PRKCZ: variants seen among roughly 807,000 people sequenced by gnomAD.
PRKCZ encodes the protein protein kinase C zeta type.
A neutral mutation model predicts 79.5 loss-of-function variants in PRKCZ; 33 were observed. That is an observed-to-expected ratio of 0.41 (90% CI 0.31 to 0.55). The LOEUF is 0.55. Ranked by LOEUF, PRKCZ falls within the 20% of genes least tolerant of loss-of-function variation. PRKCZ has a pLI of 0.19. For missense variants in PRKCZ, 578 were observed against 813.5 expected (o/e 0.71, Z 3.52); for synonymous variants, 342 against 320.9 (o/e 1.07, Z -0.70).
chr1:2,137,513 A>G (rs1054706285), intron 5 of PRKCZ, among the ~76,000 whole-genome samples: 5 of 152,206 alleles, frequency 3.3e-5, no homozygotes, highest in African/African-American at 1.2e-4. Flanking sequence ...CCCCGCAGCC[A>G]CTGGTAGCTG....
intron 4 of PRKCZ, among the ~76,000 whole-genome samples, chr1:2,108,431 C>A (rs991984151): frequency 6.6e-6 from 1 of 152,244 alleles, no homozygotes; most frequent in Admixed American, 6.5e-5. Flanking sequence ...AGAGGCACAG[C>A]CTGGGTGCGT....
At chr1:2,066,297 T>G (rs1417324594) in intron 4 of PRKCZ, among the ~76,000 whole-genome samples, 1 of 152,210 alleles carries the variant, frequency 6.6e-6, no homozygotes, top group Non-Finnish European at 1.5e-5. Flanking sequence ...AAGTGTTTGG[T>G]AGAATTTGCC....
rs539022958 is a variant in PRKCZ at position 2,160,366 on chromosome 1, A to G, written c.974+4274A>G. On this transcript the variant is annotated intron_variant, in intron 10 of 17. Transcript: ENST00000378567. ...GTCCCTGGAACTGGTCACCAGCGTC[A>G]GGAGGCGTGGCACCCGGGGAGGGTC... is the stretch of plus-strand genomic sequence containing the variant. Among the ~76,000 whole-genome samples, 6 of 152,228 alleles carry G rather than the reference A, an allele frequency of 3.9e-5. No individual in the cohort carries two copies. In the East Asian group the frequency reaches 1.2e-3, roughly 29 times the overall value.
chr1:2,162,732 G>C (rs1682561075), intron 10 of PRKCZ, among the ~76,000 whole-genome samples: 1 of 152,190 alleles, frequency 6.6e-6, no homozygotes, highest in Non-Finnish European at 1.5e-5. Context: ...TCAGGCGTGA[G>C]CCACGGTGCC....
chr1:2,079,834 C>T (rs1164523799), intron 4 of PRKCZ, among the ~76,000 whole-genome samples: 1 of 152,150 alleles, frequency 6.6e-6, no homozygotes, highest in Non-Finnish European at 1.5e-5. Flanking sequence ...CACATTGACT[C>T]GTGGGGCACC....
In PRKCZ at chr1:2,095,665, C is replaced by T. The variant is rs140637915; in HGVS notation, c.334+36074C>T. On this transcript the variant is annotated intron_variant, in intron 4 of 17. Transcript: ENST00000378567. ...TCTCCCGCAGCCTGGCATGGGCTCA[C>T]GTCCGTGTGCTTGTCCAGCCTCCAC... 8.7e-3 allele frequency among the ~76,000 whole-genome samples: 1,315 copies of T among 151,946 alleles called. 23 individuals are homozygous for T. The highest frequency in any genetic ancestry group is 0.03 in the African/African-American group (1,238 of 41,326).
rs191584570 is a variant in PRKCZ at position 2,146,642 on chromosome 1, A to G, written c.634+534A>G. Among the ~76,000 whole-genome samples the G allele has an allele frequency of 2.1e-3, 327 of 152,336 alleles. 1 individual carries two copies. Among genetic ancestry groups the G allele is most frequent in the South Asian group, 6.8e-3 (33 of 4,832 alleles). Reference sequence around the variant, plus strand: ...GATCTCAAACACCAGTTGGACTTACAGCCCAGGTTTGAGCCTCCACACCTG... The same window carrying G: ...GATCTCAAACACCAGTTGGACTTACGGCCCAGGTTTGAGCCTCCACACCTG... On this transcript the variant is annotated intron_variant, in intron 7 of 17. Transcript: ENST00000378567.
At chr1:2,163,505 G>A (rs781409718) in intron 10 of PRKCZ, among the ~76,000 whole-genome samples, 27 of 152,232 alleles carry the variant, frequency 1.8e-4, no homozygotes, top group Non-Finnish European at 2.5e-4. Flanking sequence ...GAGCAGCAGC[G>A]TGAAGCTGAG....
chr1:2,172,415 C>G lies in PRKCZ; in HGVS notation c.1285+27C>G, dbSNP rs369956885. The G allele has an allele frequency of 6.3e-7, 1 of 1,599,318 alleles. No individual in the cohort carries two copies. The highest frequency in any genetic ancestry group is 8.5e-7 in the Non-Finnish European group (1 of 1,172,232). The stretch of plus-strand genomic sequence containing the variant: ...TGAGTGCCGCTGCCCTGGCCCCTCT[C>G]GGAGCACACAGGGCCAGAGATGGCT... On this transcript the variant is annotated intron_variant, in intron 13 of 17. Transcript: ENST00000378567. This position sits in a 1 kb window ranked among gnomAD's most constrained non-coding sequence, Gnocchi z 7.8.
At position 2,174,845 on chromosome 1, in the gene PRKCZ, G is replaced by T. The variant is rs1279231756; in HGVS notation, c.1485+12G>T. ...GATTTTTAAATAAGGTACGTTTCTG[G>T]CCATGCTGACAAAATCTCGTTTGTG... On this transcript the variant is annotated intron_variant, in intron 15 of 17. Coordinates refer to ENST00000378567, the MANE Select transcript of PRKCZ (RefSeq NM_002744.6). This position sits in a 1 kb window ranked among gnomAD's most constrained non-coding sequence, Gnocchi z 6.2. The T allele has an allele frequency of 1.2e-6, 2 of 1,612,454 alleles. No homozygotes were observed. The highest frequency in any genetic ancestry group is 1.7e-6 in the Non-Finnish European group (2 of 1,178,518).
chr1:2,065,285 A>G (rs1661023118), intron 4 of PRKCZ, among the ~76,000 whole-genome samples: 1 of 152,238 alleles, frequency 6.6e-6, no homozygotes, highest in East Asian at 1.9e-4. Flanking sequence ...TCATCTGTAT[A>G]CAGAGATAAT....
intron 4 of PRKCZ, among the ~76,000 whole-genome samples, chr1:2,077,203 T>C (rs1662593825): frequency 6.6e-6 from 1 of 152,252 alleles, no homozygotes. Flanking sequence ...CAGGAGAGTT[T>C]ACACGCGCTC....
chr1:2,089,882 T>C (rs1039259424), intron 4 of PRKCZ, among the ~76,000 whole-genome samples: 1 of 151,088 alleles, frequency 6.6e-6, no homozygotes, highest in African/African-American at 2.5e-5. Context: ...CAGGGCAACA[T>C]AGCGAGATCC....
intron 5 of PRKCZ, among the ~76,000 whole-genome samples, chr1:2,140,406 A>G (rs1677079412): frequency 6.6e-6 from 1 of 152,182 alleles, no homozygotes; most frequent in South Asian, 2.1e-4. Flanking sequence ...TAATCCCAGC[A>G]CTTTGGGAGG....
chr1:2,145,924 A>G (rs1382978923), intron 6 of PRKCZ, 103 bp from the exon 7 acceptor site: 6 of 1,043,710 alleles, frequency 5.7e-6, no homozygotes, highest in East Asian at 2.5e-5. Flanking sequence ...GTCTGTAAAA[A>G]AAAGTTCTTA....
At chr1:2,138,445 G>A (rs994502228) in intron 5 of PRKCZ, among the ~76,000 whole-genome samples, 2 of 152,170 alleles carry the variant, frequency 1.3e-5, no homozygotes, top group African/African-American at 4.8e-5. Flanking sequence ...TGGCAGGGAA[G>A]CCCACTCAGT....
At chr1:2,078,261 A>T (rs1662804546) in intron 4 of PRKCZ, among the ~76,000 whole-genome samples, 1 of 152,230 alleles carries the variant, frequency 6.6e-6, no homozygotes, top group South Asian at 2.1e-4. Flanking sequence ...GCTGTCTGAG[A>T]AAGATGGCGT....
chr1:2,133,741 C>T (rs955637911), intron 4 of PRKCZ: 2 of 152,624 alleles, frequency 1.3e-5, no homozygotes, highest in Admixed American at 1.3e-4. Flanking sequence ...GTCTCCGCCG[C>T]TTCACACCCT....
chr1:2,077,143 G>C (rs1662576320), intron 4 of PRKCZ, among the ~76,000 whole-genome samples: 2 of 152,348 alleles, frequency 1.3e-5, no homozygotes, highest in South Asian at 4.1e-4. Context: ...CGTCTGACGG[G>C]TGTGAGGGTG....
Sources: allele counts gnomAD v4.1 joint callset (sites outside exome capture counted in the v4.1 genomes callset), GRCh38; gene constraint gnomAD v4.1.1; non-coding constraint Gnocchi (gnomAD v3.1); transcripts MANE v1.5; gene names NCBI Gene and HGNC (gene_info 2026-07-23, HGNC 2026-07-21).